The following TENM3 variants were observed in gnomAD, a reference collection of about 807,000 sequenced individuals.
The protein encoded by TENM3 is teneurin transmembrane protein 3, also known as teneurin-3.
In TENM3, 63 loss-of-function variants were observed where a neutral mutation model predicts 255.1. The observed-to-expected ratio is 0.25, with a 90% CI of 0.20 to 0.30. The LOEUF (loss-of-function observed/expected upper bound fraction) is 0.30, where lower values mean the gene tolerates loss of function less well. Ranked by LOEUF, TENM3 falls within the 10% of genes least tolerant of loss-of-function variation. The pLI is 1.00. For synonymous variants in TENM3, 1,306 were observed against 1,322.3 expected (o/e 0.99, Z 0.27); for missense variants, 2,929 against 3,461.1 (o/e 0.85, Z 3.86).
the TENM3 span, among the ~76,000 whole-genome samples, chr4:181,682,768 A>G: frequency 2.6e-5 from 4 of 152,094 alleles, no homozygotes; most frequent in Non-Finnish European, 5.9e-5. Flanking sequence ...GAAAATGAGC[A>G]CAAATTCCAG....
chr4:182,118,886 C>G, the TENM3 span, among the ~76,000 whole-genome samples: 1 of 152,122 alleles, frequency 6.6e-6, no homozygotes, highest in Non-Finnish European at 1.5e-5. Flanking sequence ...TGTCTCTGTG[C>G]TCATGAGAGA....
intron 7 of TENM3, among the ~76,000 whole-genome samples, chr4:182,677,277 T>C (rs1755745014): frequency 6.6e-6 from 1 of 152,170 alleles, no homozygotes; most frequent in South Asian, 2.1e-4. Context: ...CCCACCATCA[T>C]GCCCACTACC....
intron 3 of TENM3, among the ~76,000 whole-genome samples, chr4:182,565,046 A>G (rs1299012925): frequency 6.6e-6 from 1 of 152,164 alleles, no homozygotes; most frequent in Non-Finnish European, 1.5e-5. Context: ...TAGTATCCAT[A>G]CATTATTTGG....
chr4:182,738,005 C>A (rs950033631), intron 17 of TENM3, among the ~76,000 whole-genome samples: 9 of 152,072 alleles, frequency 5.9e-5, no homozygotes, highest in African/African-American at 1.9e-4. Context: ...CATAATTTAA[C>A]ACTCTTGAGT....
chr4:182,752,069 TTATTA>T (rs1178776297), intron 20 of TENM3, 37 bp downstream of exon 20: 1 of 1,227,544 alleles, frequency 8.1e-7, no homozygotes, highest in East Asian at 2.8e-5. Context: ...TTCTTTTTAT[TTATTA>T]AAAAAAAAAA....
At chr4:181,656,591 T>C in the TENM3 span, among the ~76,000 whole-genome samples, 20 of 152,070 alleles carry the variant, frequency 1.3e-4, no homozygotes, top group African/African-American at 4.8e-4. Context: ...AAAGGATCCA[T>C]CAGGCAGTTT....
chr4:181,677,736 A>G, the TENM3 span, among the ~76,000 whole-genome samples: 2 of 152,126 alleles, frequency 1.3e-5, no homozygotes, highest in African/African-American at 4.8e-5. Flanking sequence ...AGGGCTTTAA[A>G]TGATCAGCCA....
the TENM3 span, among the ~76,000 whole-genome samples, chr4:181,628,568 C>T: frequency 2.6e-5 from 4 of 152,186 alleles, no homozygotes; most frequent in Non-Finnish European, 4.4e-5. Flanking sequence ...CCAGTTTTCC[C>T]AGCACCACTT....
At chr4:181,831,053 A>T in the TENM3 span, among the ~76,000 whole-genome samples, 5 of 152,142 alleles carry the variant, frequency 3.3e-5, no homozygotes, top group Admixed American at 3.3e-4. Context: ...ACCCCCAAAA[A>T]ACTGGTTTTT....
At chr4:182,102,382 C>T in the TENM3 span, among the ~76,000 whole-genome samples, 6 of 152,126 alleles carry the variant, frequency 3.9e-5, no homozygotes, top group African/African-American at 7.2e-5. Flanking sequence ...AGGATGACTT[C>T]GTTGATTTGC....
chr4:182,488,279 T>C (rs1256500185), intron 3 of TENM3, among the ~76,000 whole-genome samples: 1 of 151,952 alleles, frequency 6.6e-6, no homozygotes, highest in Non-Finnish European at 1.5e-5. Flanking sequence ...GCTGTCCAAA[T>C]CGAAAGAGGG....
At chr4:181,820,638 C>G in the TENM3 span, among the ~76,000 whole-genome samples, 7 of 152,212 alleles carry the variant, frequency 4.6e-5, no homozygotes, top group South Asian at 1.5e-3. Flanking sequence ...CATGCAATCC[C>G]ATAGCGAAAG....
chr4:182,306,890 A>G (rs1762167366), intron 1 of TENM3, among the ~76,000 whole-genome samples: 1 of 152,206 alleles, frequency 6.6e-6, no homozygotes, highest in South Asian at 2.1e-4. Flanking sequence ...GCAATTTCCC[A>G]TAACAATTTA....
rs553177799 is a variant in TENM3 at position 182,175,019 on chromosome 4, T to G, written c.-76+30265T>G. On this transcript the variant is annotated intron_variant, in intron 1 of 2. Transcript: ENST00000512480. ...TGCAAACAGTGTAATGAACTTGCAA[T>G]CTGTTCTCTGGGTTTGCAGGTGTGA... 6.8e-4 allele frequency among the ~76,000 whole-genome samples: 103 copies of G among 152,266 alleles called. 3 individuals are homozygous for G. In the South Asian group the frequency reaches 0.02, roughly 30 times the overall value.
At chr4:181,657,900 A>C in the TENM3 span, among the ~76,000 whole-genome samples, 1 of 152,304 alleles carries the variant, frequency 6.6e-6, no homozygotes, top group African/African-American at 2.4e-5. Context: ...AAACAAAAAT[A>C]CTGTGTGTTC....
At chr4:182,339,602 C>G (rs1375021645) in intron 2 of TENM3, among the ~76,000 whole-genome samples, 3 of 152,148 alleles carry the variant, frequency 2.0e-5, no homozygotes, top group Non-Finnish European at 4.4e-5. Flanking sequence ...CCCCCTGCCT[C>G]GGCCTTCATT....
chr4:181,902,499 A>G, the TENM3 span, among the ~76,000 whole-genome samples: 14 of 152,212 alleles, frequency 9.2e-5, no homozygotes, highest in African/African-American at 3.4e-4. Flanking sequence ...ACTGTTTGAG[A>G]TAGCAAAGAC....
chr4:182,795,574 A>T (rs577972648), intron 26 of TENM3, among the ~76,000 whole-genome samples: 1 of 152,352 alleles, frequency 6.6e-6, no homozygotes, highest in East Asian at 1.9e-4. Flanking sequence ...CAGCCTGGCA[A>T]TGAGGTGAGA....
the TENM3 span, among the ~76,000 whole-genome samples, chr4:181,902,162 G>T: frequency 1.4e-5 from 2 of 141,208 alleles, no homozygotes; most frequent in Admixed American, 7.4e-5. Context: ...TTGGAGATAG[G>T]TATATTTGTA....
Sources: allele counts gnomAD v4.1 joint callset (sites outside exome capture counted in the v4.1 genomes callset), GRCh38; gene constraint gnomAD v4.1.1; transcripts MANE v1.5; gene names NCBI Gene and HGNC (gene_info 2026-07-23, HGNC 2026-07-21).